CDH18: variants seen among roughly 807,000 people sequenced by gnomAD.
CDH18 encodes the protein cadherin 18.
In CDH18, 31 loss-of-function variants were observed where a neutral mutation model predicts 67.9. The ratio of observed to expected loss-of-function variants is 0.46; its 90% CI spans 0.34 to 0.62. The LOEUF (loss-of-function observed/expected upper bound fraction) is 0.62, where lower values mean the gene tolerates loss of function less well. Among genes scored for constraint, CDH18 ranks in the 20% least tolerant of loss-of-function variants. The pLI is 0.01. For missense variants in CDH18, 890 were observed against 975.5 expected, an observed-to-expected ratio of 0.91 and a Z score of 1.17; for synonymous variants, 362 against 347.2, an observed-to-expected ratio of 1.04 and a Z score of -0.48.
Position 20,193,406 on chromosome 5 carries a change from T to C in CDH18, c.-518+62038A>G, listed in dbSNP as rs187404463. 5.9e-4 allele frequency among the ~76,000 whole-genome samples: 89 copies of C among 152,090 alleles called. No homozygotes were observed. The South Asian group carries it at 0.016, about 28-fold the overall frequency. On this transcript the variant is annotated intron_variant, in intron 2 of 14. Transcript: ENST00000507958. ...ACCAGGAAGAAGCTGAATCCCTGAA[T>C]AGAACAATAACAAATTCTGAAAATG...
rs189300668 is a variant in CDH18, at chr5:19,844,555, T to C, written c.-256-5313A>G. 7.2e-5 allele frequency among the ~76,000 whole-genome samples: 11 copies of C among 152,292 alleles called. No individual in the cohort carries two copies. The East Asian group carries it at 9.7e-4, about 13-fold the overall frequency. On this transcript the variant is annotated intron_variant, in intron 2 of 12. Coordinates refer to ENST00000382275, the MANE Select transcript of CDH18 (RefSeq NM_004934.5). ...ACCCAGTCTTGAGAGTGTTTCTTTATAGCAGTGTGAAAATGGACTAATACA... is the reference window on the plus strand; with the variant it reads ...ACCCAGTCTTGAGAGTGTTTCTTTACAGCAGTGTGAAAATGGACTAATACA...
At chr5:19,665,435 A>G (rs1213882726) in intron 5 of CDH18, among the ~76,000 whole-genome samples, 1 of 152,086 alleles carries the variant, frequency 6.6e-6, no homozygotes, top group African/African-American at 2.4e-5. Flanking sequence ...TGTATGTGGA[A>G]AACTGAAAGA....
rs535854483 is a variant in CDH18 at position 20,552,887 on chromosome 5, C to T, written c.-580+22575G>A. Among the ~76,000 whole-genome samples the T allele has an allele frequency of 3.0e-3, 451 of 151,936 alleles. 1 individual carries two copies. The highest frequency in any genetic ancestry group is 0.01 in the African/African-American group (431 of 41,428). On this transcript the variant is annotated intron_variant, in intron 1 of 14. Transcript: ENST00000507958. ...CTCCTGTCTCAGCCTCCTGAGTAGC[C>T]GAGACTACAGGCGTGCTCCATCATG...
At chr5:20,084,649 T>G (rs1744794630) in intron 2 of CDH18, among the ~76,000 whole-genome samples, 1 of 152,152 alleles carries the variant, frequency 6.6e-6, no homozygotes, top group African/African-American at 2.4e-5. Flanking sequence ...ATTCAGGCAT[T>G]TTCATACATC....
intron 4 of CDH18, among the ~76,000 whole-genome samples, chr5:19,734,835 G>A (rs1469290068): frequency 6.6e-6 from 1 of 151,918 alleles, no homozygotes; most frequent in African/African-American, 2.4e-5. Context: ...GTTTCTTTTT[G>A]GTGTATGGTC....
chr5:20,108,782 C>T (rs892050496), intron 2 of CDH18, among the ~76,000 whole-genome samples: 8 of 152,064 alleles, frequency 5.3e-5, no homozygotes, highest in African/African-American at 9.7e-5. Context: ...CAGATTTTAA[C>T]GTGACAGTAA....
chr5:20,177,271 G>T (rs776889037), intron 2 of CDH18, among the ~76,000 whole-genome samples: 1 of 152,078 alleles, frequency 6.6e-6, no homozygotes, highest in Non-Finnish European at 1.5e-5. Context: ...ACTGGTGGAA[G>T]TACACACTGG....
At chr5:19,615,274 T>C (rs1749643177) in intron 5 of CDH18, among the ~76,000 whole-genome samples, 1 of 152,134 alleles carries the variant, frequency 6.6e-6, no homozygotes, top group Non-Finnish European at 1.5e-5. Context: ...CATAGCAACA[T>C]GATTTCAGTA....
At chr5:20,442,913 A>T (rs1749711821) in intron 1 of CDH18, among the ~76,000 whole-genome samples, 1 of 151,940 alleles carries the variant, frequency 6.6e-6, no homozygotes, top group Non-Finnish European at 1.5e-5. Context: ...ACAAGTTAAT[A>T]CAAAAGTATA....
At chr5:20,566,084 A>T (rs1758486097) in intron 1 of CDH18, among the ~76,000 whole-genome samples, 1 of 152,138 alleles carries the variant, frequency 6.6e-6, no homozygotes, top group South Asian at 2.1e-4. Context: ...ATTCTAGATA[A>T]GGCTGAGCAC....
At chr5:20,161,765 C>T (rs568214190) in intron 2 of CDH18, among the ~76,000 whole-genome samples, 5 of 152,200 alleles carry the variant, frequency 3.3e-5, no homozygotes, top group East Asian at 1.9e-4. Flanking sequence ...AACTTATCAA[C>T]GGAAATTCTT....
At chr5:20,301,782 C>CTT (rs1735938689) in intron 1 of CDH18, among the ~76,000 whole-genome samples, 1 of 61,006 alleles carries the variant, frequency 1.6e-5, no homozygotes, top group East Asian at 4.4e-4. Context: ...TTTGCTCTTT[C>CTT]TTTTTTCTTT....
At chr5:19,483,017 A>T (rs1268144803) in intron 12 of CDH18, among the ~76,000 whole-genome samples, 1 of 152,052 alleles carries the variant, frequency 6.6e-6, no homozygotes, top group East Asian at 1.9e-4. Flanking sequence ...AAGCTCTTTC[A>T]CGGTGGGATT....
rs888181937 is a variant in CDH18 at position 20,556,690 on chromosome 5, C to T, written c.-580+18772G>A. On this transcript the variant is annotated intron_variant, in intron 1 of 14. Transcript: ENST00000507958. ...TTCAAAGCATTAGTGGATTATTCGC[C>T]CACTCCCTTCCATCCAGCCCTTTGG... Among the ~76,000 whole-genome samples, 10 of 152,020 alleles carry T rather than the reference C, an allele frequency of 6.6e-5. 1 individual carries two copies. The highest frequency in any genetic ancestry group is 1.2e-4 in the African/African-American group (5 of 41,382).
intron 6 of CDH18, among the ~76,000 whole-genome samples, chr5:19,592,997 A>C (rs754341247): frequency 6.6e-6 from 1 of 151,992 alleles, no homozygotes; most frequent in Non-Finnish European, 1.5e-5. Context: ...TGCGTATTGC[A>C]AGATCTCTTT....
chr5:20,534,532 G>C (rs1756602721), intron 1 of CDH18, among the ~76,000 whole-genome samples: 1 of 151,930 alleles, frequency 6.6e-6, no homozygotes, highest in Non-Finnish European at 1.5e-5. Flanking sequence ...GTAAAAAAAG[G>C]TCACTTTTTT....
intron 5 of CDH18, among the ~76,000 whole-genome samples, chr5:19,621,560 AAT>A (rs1290693912): frequency 6.6e-6 from 1 of 152,204 alleles, no homozygotes; most frequent in Non-Finnish European, 1.5e-5. Context: ...TGTAATGTAA[AAT>A]AAGCCAGTAA....
chr5:19,846,216 C>G (rs187009870), intron 2 of CDH18, among the ~76,000 whole-genome samples: 1 of 151,992 alleles, frequency 6.6e-6, no homozygotes, highest in African/African-American at 2.4e-5. Context: ...CTTACAGAAA[C>G]CTTCTTATAG....
intron 2 of CDH18, among the ~76,000 whole-genome samples, chr5:20,110,658 C>CA (rs567385076): frequency 2.6e-4 from 39 of 148,238 alleles, no homozygotes; most frequent in African/African-American, 7.2e-4. Flanking sequence ...CACTCTGTCT[C>CA]AAAAAAAAAC....
Sources: allele counts gnomAD v4.1 joint callset (sites outside exome capture counted in the v4.1 genomes callset), GRCh38; gene constraint gnomAD v4.1.1; transcripts MANE v1.5; gene names NCBI Gene and HGNC (gene_info 2026-07-23, HGNC 2026-07-21).